Variants in PTGIR observed in about 807,000 individuals in gnomAD.
PTGIR encodes prostaglandin I2 receptor.
Under a neutral mutation model 17.6 loss-of-function variants are expected in PTGIR, and 16 were observed. The ratio of observed to expected loss-of-function variants is 0.91; its 90% CI spans 0.61 to 1.38. PTGIR has a LOEUF of 1.38. Ranked by LOEUF, PTGIR falls within the 40% of genes most tolerant of loss-of-function variation. The pLI is 0.00. For synonymous variants in PTGIR, 274 were observed against 255.4 expected (o/e 1.07, Z -0.69); for missense variants, 532 against 548.6 (o/e 0.97, Z 0.30).
downstream of PTGIR, among the ~76,000 whole-genome samples, chr19:46,617,731 AC>A (rs1486315789): frequency 2.0e-5 from 3 of 151,574 alleles, no homozygotes; most frequent in Non-Finnish European, 4.4e-5. Flanking sequence ...TCCCTTCCTC[AC>A]CATCCTCTGT....
Position 46,624,044 on chromosome 19 carries a change from A to G in PTGIR, c.182T>C (p.Leu61Pro). Residue 61 changes from leucine (L) to proline (P), a missense_variant, in exon 2 of 3, where the codon CTG becomes CCG. Transcript: ENST00000291294. The stretch of plus-strand genomic sequence containing the variant: ...CGGGCTCAGGAAGCTGGTGCCCAGC[A>G]GGTCGGTGGCCGCCAGTCCGGTCAC... ...VLVTGLAATDLLGTSFLSPAV... is the reference protein window; with the variant it reads ...VLVTGLAATDPLGTSFLSPAV... The G allele has an allele frequency of 6.5e-7, 1 of 1,537,910 alleles. No homozygotes were observed. Among genetic ancestry groups the G allele is most frequent in the Non-Finnish European group, 8.7e-7 (1 of 1,143,692 alleles).
chr19:46,617,006 A>G (rs772871733), downstream of PTGIR, among the ~76,000 whole-genome samples: 72 of 152,272 alleles, frequency 4.7e-4, no homozygotes, highest in Non-Finnish European at 5.9e-5. Context: ...GGAAAAATGT[A>G]AGAAAGAATT....
At chr19:46,622,379 C>T (rs2052739605) in intron 2 of PTGIR, 4 of 985,448 alleles carry the variant, frequency 4.1e-6, no homozygotes, top group Non-Finnish European at 4.8e-6. Context: ...CACTGCCCCT[C>T]ATCTGTAAAA....
Position 46,623,446 on chromosome 19 carries a change from G to T in PTGIR, c.768+12C>A, listed in dbSNP as rs984149978. On this transcript the variant is annotated intron_variant, in intron 2 of 2. Coordinates refer to ENST00000291294, the MANE Select transcript of PTGIR (RefSeq NM_000960.4). ...CCTCTCCCCACTCCTCCCAGCTCCG[G>T]AGGGGACTCACCGTGAGAGGCAGGG... The T allele has an allele frequency of 3.9e-6, 6 of 1,531,048 alleles. No individual in the cohort carries two copies. The highest frequency in any genetic ancestry group is 3.5e-6 in the Non-Finnish European group (4 of 1,134,794). The allele number at this position is 1,531,048 out of a possible 1,614,324, so 94.8% of individuals were successfully genotyped here. A position where few individuals can be genotyped will look rare whatever the true frequency, so the allele number is the denominator to read the frequency against.
chr19:46,625,056 C>A lies in PTGIR; in HGVS notation c.-72G>T, dbSNP rs201436224. ...CGTCTGTGCCTTCACTTGCTTTGCT[C>A]CTCGTGTCTCTCGCTGCCTGTGTCG... On this transcript the variant is annotated 5_prime_UTR_variant, in exon 1 of 3. Coordinates refer to ENST00000291294, the MANE Select transcript of PTGIR (RefSeq NM_000960.4). The surrounding 1 kb of genome is among the most constrained non-coding windows in gnomAD (Gnocchi z 4.9). The A allele has an allele frequency of 2.8e-4, 43 of 154,034 alleles. No homozygotes were observed. The South Asian group carries it at 8.1e-3, about 29-fold the overall frequency. The allele number at this position is 154,034 out of a possible 1,614,324, so 9.5% of individuals were successfully genotyped here. A position where few individuals can be genotyped will look rare whatever the true frequency, so the allele number is the denominator to read the frequency against.
At position 46,623,763 on chromosome 19, in the gene PTGIR, G is replaced by A. The variant is rs542948002; in HGVS notation, c.463C>T (p.Leu155=). The change falls in exon 2 of 3, where the codon CTG becomes TTG. Residue 155 remains leucine (L), a synonymous_variant. Coordinates refer to ENST00000291294, the MANE Select transcript of PTGIR (RefSeq NM_000960.4). ...TGCTGGTGTTGGCCCAGGCCCAGCAGGGGCAGCGCGCAGAAGAGGACGCAG... is the reference window on the plus strand; with the variant it reads ...TGCTGGTGTTGGCCCAGGCCCAGCAAGGGCAGCGCGCAGAAGAGGACGCAG... ...AFCVLFCALP[L]LGLGQHQQYC... 4.3e-5 allele frequency: 69 copies of A among 1,603,382 alleles called. 2 individuals are homozygous for A. The African/African-American group carries it at 6.8e-4, about 16-fold the overall frequency.
chr19:46,613,898 C>T, the PTGIR span, among the ~76,000 whole-genome samples: 2 of 152,358 alleles, frequency 1.3e-5, no homozygotes, highest in African/African-American at 4.8e-5. Flanking sequence ...GGTACCCATG[C>T]TTCTCAGCGG....
downstream of PTGIR, among the ~76,000 whole-genome samples, chr19:46,616,094 G>A (rs545007674): frequency 4.0e-5 from 6 of 151,896 alleles, no homozygotes; most frequent in Non-Finnish European, 8.8e-5. Context: ...GAGCCACTGC[G>A]CACGACCTTT....
rs761363765 is a variant in PTGIR at position 46,621,489 on chromosome 19, C to T, written c.952G>A (p.Asp318Asn). 4 of 1,614,062 alleles carry T rather than the reference C, an allele frequency of 2.5e-6. No homozygotes were observed. The highest frequency in any genetic ancestry group is 3.4e-6 in the Non-Finnish European group (4 of 1,180,040). ...AGCTGGGAAAGGGGTGTCTGCGAGT[C>T]TCCGTGGGCAGGCCCGAGGCACAGG... ...CCLCLGPAHG[D>N]SQTPLSQLAS... The change falls in exon 3 of 3, where the codon GAC becomes AAC. Residue 318 changes from aspartate to asparagine, a missense_variant. Physicochemically the swap from Asp to Asn is conservative, Grantham distance 23. Transcript: ENST00000291294. The surrounding 1 kb of genome is among the most constrained non-coding windows in gnomAD (Gnocchi z 4.8).
the PTGIR span, among the ~76,000 whole-genome samples, chr19:46,612,042 C>T: frequency 5.3e-5 from 8 of 152,190 alleles, no homozygotes; most frequent in Admixed American, 1.3e-4. Context: ...CCGGAGCCAG[C>T]GGCGAGGGTG....
chr19:46,613,027 CTTTTTTTT>C, the PTGIR span, among the ~76,000 whole-genome samples: 9 of 74,236 alleles, frequency 1.2e-4, no homozygotes, highest in Non-Finnish European at 2.2e-4. Flanking sequence ...TTGTGCCAAA[CTTTTTTTT>C]TTTTTTTTTT....
downstream of PTGIR, among the ~76,000 whole-genome samples, chr19:46,618,623 T>G (rs1019826793): frequency 4.6e-5 from 7 of 152,252 alleles, no homozygotes; most frequent in Non-Finnish European, 8.8e-5. Flanking sequence ...TTTAAATTTT[T>G]TTTTAATCGC....
At chr19:46,622,407 C>T (rs1568678589) in intron 2 of PTGIR, 18 of 985,126 alleles carry the variant, frequency 1.8e-5, no homozygotes, top group African/African-American at 3.5e-5. Context: ...TGGGAGAGAA[C>T]GTTCTCTTGG....
At chr19:46,612,002 C>T in the PTGIR span, among the ~76,000 whole-genome samples, 2 of 152,220 alleles carry the variant, frequency 1.3e-5, no homozygotes, top group Non-Finnish European at 2.9e-5. Flanking sequence ...GATCAGGCCT[C>T]GGCTGGGTTT....
In PTGIR at chr19:46,624,037, G is replaced by A. The variant is rs1599774476; in HGVS notation, c.189C>T (p.Gly63=). 1.3e-6 allele frequency: 2 copies of A among 1,539,784 alleles called. No individual in the cohort carries two copies. The highest frequency in any genetic ancestry group is 1.7e-6 in the Non-Finnish European group (2 of 1,143,810). The change falls in exon 2 of 3, where the codon GGC becomes GGT. Residue 63 remains glycine, a synonymous_variant. Coordinates refer to ENST00000291294, the MANE Select transcript of PTGIR (RefSeq NM_000960.4). ...ACACGGCCGGGCTCAGGAAGCTGGTGCCCAGCAGGTCGGTGGCCGCCAGTC... is the reference window on the plus strand; with the variant it reads ...ACACGGCCGGGCTCAGGAAGCTGGTACCCAGCAGGTCGGTGGCCGCCAGTC... ...VTGLAATDLL[G]TSFLSPAVFV...
chr19:46,616,881 G>A (rs1971970249), downstream of PTGIR, among the ~76,000 whole-genome samples: 2 of 152,260 alleles, frequency 1.3e-5, no homozygotes, highest in Non-Finnish European at 2.9e-5. Context: ...ACAAGACCCT[G>A]CGGAGCGGGT....
At chr19:46,616,888 G>A (rs1042087985), downstream of PTGIR, among the ~76,000 whole-genome samples, 3 of 152,238 alleles carry the variant, frequency 2.0e-5, no homozygotes, top group Admixed American at 1.3e-4. Flanking sequence ...CCTGCGGAGC[G>A]GGTGAGCAGA....
At chr19:46,617,214 G>A (rs956065013), downstream of PTGIR, among the ~76,000 whole-genome samples, 1 of 152,186 alleles carries the variant, frequency 6.6e-6, no homozygotes, top group East Asian at 1.9e-4. Context: ...GGTGGCGCCT[G>A]AGCCCTGGGA....
chr19:46,611,910 G>T, the PTGIR span, among the ~76,000 whole-genome samples: 1 of 152,260 alleles, frequency 6.6e-6, no homozygotes, highest in Non-Finnish European at 1.5e-5. Flanking sequence ...GGAATAAAAA[G>T]AGGTCCTTCC....
Sources: gnomAD v4.1 joint callset for allele counts (sites outside exome capture counted in the v4.1 genomes callset) on GRCh38, gnomAD v4.1.1 for gene constraint, Gnocchi (gnomAD v3.1) non-coding constraint, MANE v1.5 for transcripts, NCBI Gene and HGNC (gene_info 2026-07-23, HGNC 2026-07-21) for gene names.